ANKRD6: variants seen among roughly 807,000 people sequenced by gnomAD.
ANKRD6 encodes ankyrin repeat domain-containing protein 6.
ANKRD6 carries 56 observed loss-of-function variants against 82.3 expected under a neutral mutation model. The observed-to-expected ratio is 0.68, with a 90% CI of 0.55 to 0.85. ANKRD6 has a LOEUF of 0.85. Among genes scored for constraint, ANKRD6 ranks in the 40% least tolerant of loss-of-function variants. The probability of loss-of-function intolerance (pLI) is 0.00; values close to 1 mark genes in which losing one functional copy is unlikely to be tolerated. For synonymous variants in ANKRD6, 347 were observed against 352.1 expected, an observed-to-expected ratio of 0.99 and a Z score of 0.16; for missense variants, 852 against 907.6, an observed-to-expected ratio of 0.94 and a Z score of 0.79.
At chr6:89,479,732 A>T (rs1776554669) in intron 1 of ANKRD6, among the ~76,000 whole-genome samples, 1 of 151,738 alleles carries the variant, frequency 6.6e-6, no homozygotes, top group African/African-American at 2.4e-5. Context: ...TTAACTCATC[A>T]TTTAACATTA....
chr6:89,493,831 G>A (rs1161220579), intron 1 of ANKRD6, among the ~76,000 whole-genome samples: 1 of 152,142 alleles, frequency 6.6e-6, no homozygotes, highest in Non-Finnish European at 1.5e-5. Flanking sequence ...GTTATATAAG[G>A]TGATATCCAC....
chr6:89,612,716 T>C (rs1376196802), intron 6 of ANKRD6, among the ~76,000 whole-genome samples: 1 of 152,226 alleles, frequency 6.6e-6, no homozygotes, highest in Non-Finnish European at 1.5e-5. Flanking sequence ...AGTGTTGTAC[T>C]ATTATCAGCA....
At position 89,575,183 on chromosome 6, in the gene ANKRD6, A is replaced by G. The variant is rs947404073; in HGVS notation, c.120+8087A>G. On this transcript the variant is annotated intron_variant, in intron 2 of 15. Coordinates refer to ENST00000339746, the MANE Select transcript of ANKRD6 (RefSeq NM_001242809.2). ...AGACCTACATTCAACTAGGTCAGAT[A>G]ATTTCTTTATGGCTTGCTTTTACGC... Among the ~76,000 whole-genome samples the G allele has an allele frequency of 2.0e-5, 3 of 152,136 alleles. No homozygotes were observed. In the South Asian group the frequency reaches 6.2e-4, roughly 31 times the overall value.
chr6:89,563,437 G>T (rs1245738638), intron 1 of ANKRD6, among the ~76,000 whole-genome samples: 1 of 152,206 alleles, frequency 6.6e-6, no homozygotes, highest in Non-Finnish European at 1.5e-5. Context: ...TTTTCCTCCA[G>T]AATGCTGTGA....
chr6:89,604,152 C>A (rs543700429), intron 4 of ANKRD6, among the ~76,000 whole-genome samples: 5 of 152,150 alleles, frequency 3.3e-5, no homozygotes. Context: ...CATGGTGAAA[C>A]CCCGTTTCTA....
chr6:89,578,548 G>A (rs1386210224), intron 2 of ANKRD6, among the ~76,000 whole-genome samples: 2 of 152,052 alleles, frequency 1.3e-5, no homozygotes, highest in African/African-American at 4.8e-5. Context: ...TGCCCGCCTT[G>A]GCCTCCCAAA....
intron 13 of ANKRD6, among the ~76,000 whole-genome samples, chr6:89,626,253 G>T (rs1805642737): frequency 6.6e-6 from 1 of 152,160 alleles, no homozygotes; most frequent in Non-Finnish European, 1.5e-5. Context: ...GCTGAAAGAG[G>T]AATGAGAGAT....
At chr6:89,471,569 A>G (rs1187805188) in intron 1 of ANKRD6, among the ~76,000 whole-genome samples, 1 of 151,824 alleles carries the variant, frequency 6.6e-6, no homozygotes, top group Non-Finnish European at 1.5e-5. Context: ...TGTGGGAAAG[A>G]GTGGCCGGAA....
rs1035340304 is a variant in ANKRD6, at chr6:89,526,595, G to A, written c.-143-40239G>A. On this transcript the variant is annotated intron_variant, in intron 1 of 15. Coordinates refer to ENST00000339746, the MANE Select transcript of ANKRD6 (RefSeq NM_001242809.2). ...CCATTTCCTGATGGGTATGGGGTGAGGGCTCCTAAACTATGGTATTAGTCA... is the reference window on the plus strand; with the variant it reads ...CCATTTCCTGATGGGTATGGGGTGAAGGCTCCTAAACTATGGTATTAGTCA... Among the ~76,000 whole-genome samples, 3 of 152,238 alleles carry A rather than the reference G, an allele frequency of 2.0e-5. No homozygotes were observed. The East Asian group carries it at 5.8e-4, about 29-fold the overall frequency.
At chr6:89,575,127 G>A (rs563577352) in intron 2 of ANKRD6, among the ~76,000 whole-genome samples, 3 of 152,314 alleles carry the variant, frequency 2.0e-5, no homozygotes, top group Admixed American at 1.3e-4. Flanking sequence ...TTCTAGGTAT[G>A]AGGCAGGACC....
intron 1 of ANKRD6, among the ~76,000 whole-genome samples, chr6:89,494,749 C>G (rs563882866): frequency 6.6e-6 from 1 of 152,144 alleles, no homozygotes; most frequent in Non-Finnish European, 1.5e-5. Flanking sequence ...CTTTCCAGCC[C>G]CCTGGAAAGT....
chr6:89,620,480 T>G (rs1802798299), intron 9 of ANKRD6, among the ~76,000 whole-genome samples: 1 of 152,350 alleles, frequency 6.6e-6, no homozygotes. Flanking sequence ...TCTTTCACCA[T>G]ACTTGATTTC....
chr6:89,629,908 T>C (rs1193393389), intron 15 of ANKRD6, among the ~76,000 whole-genome samples: 1 of 152,204 alleles, frequency 6.6e-6, no homozygotes, highest in Non-Finnish European at 1.5e-5. Context: ...AAATGTTTCA[T>C]GCTAGGACTA....
chr6:89,481,780 C>G (rs941938821), intron 1 of ANKRD6, among the ~76,000 whole-genome samples: 1 of 151,992 alleles, frequency 6.6e-6, no homozygotes, highest in Non-Finnish European at 1.5e-5. Flanking sequence ...GGTGGTGGTA[C>G]TATTGGCAGT....
At position 89,630,778 on chromosome 6, in the gene ANKRD6, A is replaced by G. The variant is rs1427626814; in HGVS notation, c.1958A>G (p.Gln653Arg). ...GQPPPATGSE[Q>R]TGPHIRDTSQ... ...CCGCCACCAGCCACAGGCAGCGAGC[A>G]GACTGGCCCTCACATTCGGGACACC... is the stretch of plus-strand genomic sequence containing the variant. Residue 653 changes from glutamine to arginine, a missense_variant, in exon 16 of 16, where the codon CAG (glutamine) becomes CGG (arginine). Coordinates refer to ENST00000339746, the MANE Select transcript of ANKRD6 (RefSeq NM_001242809.2). 3 of 1,613,874 alleles carry G rather than the reference A, an allele frequency of 1.9e-6. No homozygotes were observed. Among genetic ancestry groups the G allele is most frequent in the Non-Finnish European group, 2.5e-6 (3 of 1,179,896 alleles).
At chr6:89,606,853 G>A (rs1249815235) in intron 5 of ANKRD6, among the ~76,000 whole-genome samples, 5 of 150,716 alleles carry the variant, frequency 3.3e-5, no homozygotes, top group South Asian at 2.1e-4. Context: ...AGAGACTGTC[G>A]TGGGGGCAGG....
Position 89,508,181 on chromosome 6 carries a change from C to T in ANKRD6, c.-143-58653C>T, listed in dbSNP as rs558434307. ...TTTAGTATTCCGTACTGTTTTTGTG[C>T]GCCAGGAATCCAGGAGTGGCTGGGT... On this transcript the variant is annotated intron_variant, in intron 1 of 15. Transcript: ENST00000339746. Among the ~76,000 whole-genome samples, 8 of 152,298 alleles carry T rather than the reference C, an allele frequency of 5.3e-5. No individual in the cohort carries two copies. In the South Asian group the frequency reaches 6.2e-4, roughly 12 times the overall value.
intron 9 of ANKRD6, chr6:89,621,140 C>T (rs560207673): frequency 2.6e-5 from 4 of 152,280 alleles, no homozygotes; most frequent in African/African-American, 9.6e-5. Context: ...AAACTCCTGC[C>T]CTCAAGCAGT....
At chr6:89,604,097 C>T (rs1181473372) in intron 4 of ANKRD6, among the ~76,000 whole-genome samples, 10 of 152,192 alleles carry the variant, frequency 6.6e-5, no homozygotes, top group Admixed American at 3.9e-4. Context: ...GAGGCCAAGG[C>T]GGGCAGATCA....
Sources: allele counts gnomAD v4.1 joint callset (sites outside exome capture counted in the v4.1 genomes callset), GRCh38; gene constraint gnomAD v4.1.1; transcripts MANE v1.5; gene names NCBI Gene and HGNC (gene_info 2026-07-23, HGNC 2026-07-21).